Variants in TMEM132E observed in about 807,000 individuals in gnomAD.
TMEM132E encodes the protein transmembrane protein 132E.
In TMEM132E, 49 loss-of-function variants were observed where a neutral mutation model predicts 78.5. That is an observed-to-expected ratio of 0.62 (90% CI 0.50 to 0.79). The LOEUF is 0.79. Ranked by LOEUF, TMEM132E falls within the 30% of genes least tolerant of loss-of-function variation. TMEM132E has a pLI of 0.00. For missense variants in TMEM132E, 1,403 were observed against 1,470.9 expected (o/e 0.95, Z 0.75); for synonymous variants, 715 against 670.6 (o/e 1.07, Z -1.02).
intron 1 of TMEM132E, among the ~76,000 whole-genome samples, chr17:34,622,433 A>T (rs188712067): frequency 2.3e-4 from 35 of 152,356 alleles, no homozygotes; most frequent in African/African-American, 8.2e-4. Context: ...GGCCACAGTG[A>T]CATAAATAAA....
intron 1 of TMEM132E, among the ~76,000 whole-genome samples, chr17:34,604,090 G>C (rs1906330351): frequency 6.6e-6 from 1 of 152,186 alleles, no homozygotes; most frequent in Non-Finnish European, 1.5e-5. Flanking sequence ...ATTGTTCTAA[G>C]GGCTTTGTTT....
intron 8 of TMEM132E, among the ~76,000 whole-genome samples, chr17:34,636,452 G>A (rs1255163478): frequency 6.6e-6 from 1 of 152,146 alleles, no homozygotes; most frequent in Admixed American, 6.5e-5. Flanking sequence ...ATTCACAGAG[G>A]GCTGTCACCT....
intron 1 of TMEM132E, among the ~76,000 whole-genome samples, chr17:34,613,211 A>ACACATGCGCG: frequency 8.6e-6 from 1 of 115,856 alleles, no homozygotes; most frequent in South Asian, 3.4e-4. Context: ...ACACACACAC[A>ACACATGCGCG]CGCGCGCGCG....
chr17:34,635,345 G>A (rs144333123), intron 7 of TMEM132E, among the ~76,000 whole-genome samples: 1 of 152,298 alleles, frequency 6.6e-6, no homozygotes, highest in East Asian at 1.9e-4. Context: ...GGGGGAGCAG[G>A]TGAGAGTCAG....
chr17:34,584,068 T>C (rs1905583707), intron 1 of TMEM132E, among the ~76,000 whole-genome samples: 1 of 152,244 alleles, frequency 6.6e-6, no homozygotes, highest in Non-Finnish European at 1.5e-5. Flanking sequence ...AGAGGGCTGA[T>C]TATGTCAGCT....
At chr17:34,592,615 G>A (rs992395376) in intron 1 of TMEM132E, among the ~76,000 whole-genome samples, 1 of 152,166 alleles carries the variant, frequency 6.6e-6, no homozygotes, top group Non-Finnish European at 1.5e-5. Flanking sequence ...TTACTCTTTC[G>A]TTTCAGTTTC....
intron 1 of TMEM132E, among the ~76,000 whole-genome samples, chr17:34,583,685 A>G (rs934040895): frequency 3.9e-5 from 6 of 152,220 alleles, no homozygotes; most frequent in African/African-American, 1.4e-4. Context: ...CCAGACTGGG[A>G]GCCAAGTAGC....
At chr17:34,620,083 A>G (rs4795952) in intron 1 of TMEM132E, among the ~76,000 whole-genome samples, 108,758 of 152,182 alleles carry the variant, frequency 0.71, 39,175 homozygotes, top group East Asian at 0.91. Flanking sequence ...TTAGAAGCAG[A>G]GACATGGCCA....
At chr17:34,635,843 C>A (rs560590365) in intron 7 of TMEM132E, 164 bp from the exon 8 acceptor site, 1 of 574,324 alleles carries the variant, frequency 1.7e-6, no homozygotes. Flanking sequence ...GACACTGGTT[C>A]CTGGTTGCAG....
At position 34,637,754 on chromosome 17, in the gene TMEM132E, A is replaced by T. The variant is rs1401195625; in HGVS notation, c.2747A>T (p.Tyr916Phe). The change falls in exon 9 of 9, where the codon TAC becomes TTC. Residue 916 changes from tyrosine (Y) to phenylalanine (F), a missense_variant. Tyr to Phe is a conservative substitution (Grantham distance 22). Transcript: ENST00000631683. The part of the protein sequence containing the change: ...LINCIVFVLR[Y>F]RHKRIPPEGQ... ...AACTGCATCGTTTTTGTGCTGCGCTACCGGCACAAGCGCATCCCGCCCGAG... is the reference window on the plus strand; with the variant it reads ...AACTGCATCGTTTTTGTGCTGCGCTTCCGGCACAAGCGCATCCCGCCCGAG... The T allele has an allele frequency of 2.0e-5, 33 of 1,613,462 alleles. No homozygotes were observed. Among genetic ancestry groups the T allele is most frequent in the Non-Finnish European group, 2.8e-5 (33 of 1,179,974 alleles).
intron 1 of TMEM132E, among the ~76,000 whole-genome samples, chr17:34,587,269 A>G (rs1379889121): frequency 6.6e-6 from 1 of 152,172 alleles, no homozygotes; most frequent in African/African-American, 2.4e-5. Flanking sequence ...ACCCCTCCCC[A>G]GGAACACAGC....
intron 1 of TMEM132E, among the ~76,000 whole-genome samples, chr17:34,599,421 G>T (rs1308516730): frequency 6.6e-6 from 1 of 152,218 alleles, no homozygotes; most frequent in Admixed American, 6.5e-5. Flanking sequence ...TGGCCTTTGT[G>T]TTGGGGCTTT....
At chr17:34,623,195 A>G (rs2142076456) in intron 1 of TMEM132E, among the ~76,000 whole-genome samples, 1 of 152,312 alleles carries the variant, frequency 6.6e-6, no homozygotes, top group South Asian at 2.1e-4. Context: ...CGGGTGGGGC[A>G]TGCAGTCACA....
chr17:34,633,000 C>T, intron 6 of TMEM132E, 91 bp downstream of exon 6: 1 of 1,388,644 alleles, frequency 7.2e-7, no homozygotes, highest in South Asian at 1.2e-5. Context: ...GGTATAAGGC[C>T]CTTGGTATAC....
Position 34,629,988 on chromosome 17 carries a change from C to T in TMEM132E, c.1339-20C>T, listed in dbSNP as rs779068044. The T allele has an allele frequency of 6.3e-7, 1 of 1,588,346 alleles. No homozygotes were observed. Among genetic ancestry groups the T allele is most frequent in the African/African-American group, 1.3e-5 (1 of 74,460 alleles). Reference sequence around the variant, plus strand: ...CAGAAGGGGACCACAAGTAGAGCCCCCCCCTTCTCCTCCCTGCAGGACACA... The same window carrying T: ...CAGAAGGGGACCACAAGTAGAGCCCTCCCCTTCTCCTCCCTGCAGGACACA... On this transcript the variant is annotated intron_variant, in intron 4 of 8. Transcript: ENST00000631683.
At position 34,636,078 on chromosome 17, in the gene TMEM132E, CA is replaced by C; in HGVS notation, c.2050del (p.Thr684HisfsTer26). The C allele has an allele frequency of 6.3e-7, 1 of 1,592,826 alleles. No individual in the cohort carries two copies. Among genetic ancestry groups the C allele is most frequent in the Admixed American group, 1.8e-5 (1 of 57,072 alleles). On this transcript the variant is annotated frameshift_variant, in exon 8 of 9. Coordinates refer to ENST00000631683, the MANE Select transcript of TMEM132E (RefSeq NM_001304438.2). LOFTEE classifies it high-confidence loss of function. ...CGGTGACTGAGGAGAAGGTCAGCAT[CA>C]CACAGCTTCAGGCCCAGGTGGTGGC... ...LTVTEEKVSI[T>X]QLQAQVVASL... is the part of the protein sequence containing the mutation.
intron 1 of TMEM132E, among the ~76,000 whole-genome samples, chr17:34,621,120 C>T (rs1382895924): frequency 6.6e-6 from 1 of 152,192 alleles, no homozygotes; most frequent in South Asian, 2.1e-4. Flanking sequence ...GTTGTCTCTA[C>T]ATTTTACTGG....
chr17:34,605,392 G>T (rs750863238), intron 1 of TMEM132E, among the ~76,000 whole-genome samples: 2 of 152,102 alleles, frequency 1.3e-5, no homozygotes, highest in African/African-American at 4.8e-5. Context: ...CCCCTTCCAG[G>T]CTAGCTTCTA....
At position 34,638,398 on chromosome 17, in the gene TMEM132E, C is replaced by T; in HGVS notation, c.*166C>T. ...GGAGCGGGCCGCCTCAGTGTCTGGG[C>T]CTTCCCTCGCCTCACGCCATTACCC... On this transcript the variant is annotated 3_prime_UTR_variant, in exon 9 of 9. Coordinates refer to ENST00000631683, the MANE Select transcript of TMEM132E (RefSeq NM_001304438.2). 1 of 687,122 alleles carries T rather than the reference C, an allele frequency of 1.5e-6. No homozygotes were observed. Among genetic ancestry groups the T allele is most frequent in the Non-Finnish European group, 2.3e-6 (1 of 427,638 alleles). 42.6% of individuals were successfully genotyped at this position (687,122 alleles called of 1,614,324 possible).
Sources: gnomAD v4.1 joint callset for allele counts (sites outside exome capture counted in the v4.1 genomes callset) on GRCh38, gnomAD v4.1.1 for gene constraint, MANE v1.5 for transcripts, NCBI Gene and HGNC (gene_info 2026-07-23, HGNC 2026-07-21) for gene names.